Variants in RFTN1 observed in about 807,000 individuals in gnomAD.
RFTN1 encodes raftlin, lipid raft linker 1, also known as raftlin.
A neutral mutation model predicts 46.5 loss-of-function variants in RFTN1; 26 were observed. That is an observed-to-expected ratio of 0.56 (90% CI 0.41 to 0.78). RFTN1 has a LOEUF of 0.78. Ranked by LOEUF, RFTN1 falls within the 30% of genes least tolerant of loss-of-function variation. RFTN1 has a pLI of 0.00. For missense variants in RFTN1, 693 were observed against 718.7 expected, an observed-to-expected ratio of 0.96 and a Z score of 0.41; for synonymous variants, 261 against 284.2, an observed-to-expected ratio of 0.92 and a Z score of 0.82.
At chr3:16,359,817 T>G (rs976324941) in intron 6 of RFTN1, among the ~76,000 whole-genome samples, 1 of 149,192 alleles carries the variant, frequency 6.7e-6, no homozygotes, top group Non-Finnish European at 1.5e-5. Context: ...TAATGTGACC[T>G]TTTTTTTTTC....
At chr3:16,444,757 C>T (rs563779123) in intron 2 of RFTN1, among the ~76,000 whole-genome samples, 2 of 152,228 alleles carry the variant, frequency 1.3e-5, no homozygotes, top group Admixed American at 6.5e-5. Context: ...TTTTGAACTT[C>T]GTGGTGGGAG....
chr3:16,368,463 G>A (rs1330450560), intron 6 of RFTN1, among the ~76,000 whole-genome samples: 1 of 152,140 alleles, frequency 6.6e-6, no homozygotes, highest in Admixed American at 6.5e-5. Flanking sequence ...CGAGGTCAGG[G>A]AACTGAGACC....
intron 8 of RFTN1, among the ~76,000 whole-genome samples, chr3:16,326,173 TG>T (rs1385887158): frequency 6.6e-6 from 1 of 152,252 alleles, no homozygotes; most frequent in Non-Finnish European, 1.5e-5. Flanking sequence ...TTGGTGTGAC[TG>T]GGCTCAAGGG....
rs529321876 is a variant in RFTN1, at chr3:16,480,148, C to G, written c.145+13577G>C. 7.0e-6 allele frequency among the ~76,000 whole-genome samples: 1 copy of G among 142,566 alleles called. No individual in the cohort carries two copies. The highest frequency in any genetic ancestry group is 2.1e-4 in the South Asian group (1 of 4,662). The allele number at this position is 142,566 out of a possible 152,430, so 93.5% of individuals were successfully genotyped here. ...AATTTTGTTAAGTAACTTTGCCAGA[C>G]AAGACTGCTTTCTCCAAAAAGAAAA... On this transcript the variant is annotated intron_variant, in intron 2 of 9. Coordinates refer to ENST00000334133, the MANE Select transcript of RFTN1 (RefSeq NM_015150.2). This position sits in a 1 kb window ranked among gnomAD's most constrained non-coding sequence, Gnocchi z 4.3.
At position 16,484,007 on chromosome 3, in the gene RFTN1, G is replaced by A. The variant is rs1575356122; in HGVS notation, c.145+9718C>T. On this transcript the variant is annotated intron_variant, in intron 2 of 9. Coordinates refer to ENST00000334133, the MANE Select transcript of RFTN1 (RefSeq NM_015150.2). The surrounding 1 kb of genome is among the most constrained non-coding windows in gnomAD (Gnocchi z 4.6). The stretch of plus-strand genomic sequence containing the variant: ...TTTAAGCTAATGATTAGTTTTAAAG[G>A]CTTTTCTGGAGATTGACATTATTTT... Among the ~76,000 whole-genome samples, 1 of 152,112 alleles carries A rather than the reference G, an allele frequency of 6.6e-6. No homozygotes were observed. Among genetic ancestry groups the A allele is most frequent in the Admixed American group, 6.5e-5 (1 of 15,274 alleles).
rs114694882 is a variant in RFTN1, at chr3:16,364,745, A to G, written c.1030+5331T>C. On this transcript the variant is annotated intron_variant, in intron 6 of 9. Coordinates refer to ENST00000334133, the MANE Select transcript of RFTN1 (RefSeq NM_015150.2). ...TGACACAATGGAATAGCACACAGCA[A>G]TGAGAGAAAATGGTCTTCAATTACA... Among the ~76,000 whole-genome samples the G allele has an allele frequency of 5.5e-3, 843 of 152,378 alleles. 9 individuals carry two copies. The highest frequency in any genetic ancestry group is 0.02 in the African/African-American group (823 of 41,590).
At chr3:16,404,656 C>G (rs2074808399) in intron 4 of RFTN1, among the ~76,000 whole-genome samples, 5 of 151,898 alleles carry the variant, frequency 3.3e-5, no homozygotes, top group Admixed American at 3.3e-4. Context: ...AACCCATGCT[C>G]CTGTGCATGC....
At position 16,327,919 on chromosome 3, in the gene RFTN1, G is replaced by GC. The variant is rs200966609; in HGVS notation, c.1147-1044dup. On this transcript the variant is annotated intron_variant, in intron 7 of 9. Transcript: ENST00000334133. The surrounding 1 kb of genome is among the most constrained non-coding windows in gnomAD (Gnocchi z 4.2). ...GTTCCTCACTAACACTCAAAGTGTA[G>GC]CCCCCACCCCTGCTCTGTGTGTAAC... 1.9e-4 allele frequency among the ~76,000 whole-genome samples: 29 copies of GC among 152,156 alleles called. No homozygotes were observed. Among genetic ancestry groups the GC allele is most frequent in the African/African-American group, 6.5e-4 (27 of 41,440 alleles).
intron 7 of RFTN1, among the ~76,000 whole-genome samples, chr3:16,354,360 A>T (rs1311040378): frequency 1.3e-5 from 2 of 152,222 alleles, no homozygotes; most frequent in Non-Finnish European, 2.9e-5. Flanking sequence ...CAGTCTTCCC[A>T]CAAGATCTCT....
Position 16,384,766 on chromosome 3 carries a change from A to G in RFTN1, c.442-6664T>C, listed in dbSNP as rs189160637. On this transcript the variant is annotated intron_variant, in intron 4 of 9. Transcript: ENST00000334133. The surrounding 1 kb of genome is among the most constrained non-coding windows in gnomAD (Gnocchi z 4.7). ...TATTTAAATTTAAATTAATTCAAAT[A>G]AAATAAAATTTAAATATTCCTCTCC... 3.5e-3 allele frequency among the ~76,000 whole-genome samples: 526 copies of G among 152,018 alleles called. No individual in the cohort carries two copies. The highest frequency in any genetic ancestry group is 0.012 in the African/African-American group (510 of 41,284).
rs9854036 is a variant in RFTN1 at position 16,506,087 on chromosome 3, C to A, written c.-9+7355G>T. Reference sequence around the variant, plus strand: ...TTTTTAAAGTATGCCAACTAGAAAACAACAATGCAGGGGGGAGGGATAGCA... The same window carrying A: ...TTTTTAAAGTATGCCAACTAGAAAAAAACAATGCAGGGGGGAGGGATAGCA... On this transcript the variant is annotated intron_variant, in intron 1 of 9. Transcript: ENST00000334133. The surrounding 1 kb of genome is among the most constrained non-coding windows in gnomAD (Gnocchi z 4.8). Among the ~76,000 whole-genome samples, 84,247 of 151,976 alleles carry A rather than the reference C, an allele frequency of 0.55. 24,768 individuals are homozygous for A. The highest frequency in any genetic ancestry group is 0.76 in the African/African-American group (31,302 of 41,444).
chr3:16,502,209 A>G (rs1161694375), intron 1 of RFTN1, among the ~76,000 whole-genome samples: 6 of 152,240 alleles, frequency 3.9e-5, no homozygotes, highest in Non-Finnish European at 7.4e-5. Flanking sequence ...TCTACAAAAA[A>G]ATTTAAAAAA....
Position 16,377,992 on chromosome 3 carries a change from G to A in RFTN1, c.552C>T (p.Thr184=), listed in dbSNP as rs371329309. 2.8e-5 allele frequency: 46 copies of A among 1,614,086 alleles called. No homozygotes were observed. Among genetic ancestry groups the A allele is most frequent in the South Asian group, 2.1e-4 (19 of 91,084 alleles). Residue 184 remains threonine (T), a synonymous_variant, in exon 5 of 10, where the codon ACC becomes ACT. Coordinates refer to ENST00000334133, the MANE Select transcript of RFTN1 (RefSeq NM_015150.2). ...CGTTTTTTGCATCTCTGGCATCCTC[G>A]GTGCTGTTGGCAGTAGACACCGGAG... is the stretch of plus-strand genomic sequence containing the variant. ...SSAPVSTANS[T]EDARDAKNAR... is the part of the protein sequence containing the mutation.
At chr3:16,330,570 T>A (rs1371719772) in intron 7 of RFTN1, among the ~76,000 whole-genome samples, 2 of 152,220 alleles carry the variant, frequency 1.3e-5, no homozygotes, top group African/African-American at 4.8e-5. Context: ...TTTCTCTGAG[T>A]AGGAGCAAAA....
rs1305366800 is a variant in RFTN1, at chr3:16,370,135, T to C, written c.971A>G (p.Asp324Gly). Residue 324 changes from aspartate (D) to glycine (G), a missense_variant, in exon 6 of 10, where the codon GAC becomes GGC. Physicochemically the swap from Asp to Gly is moderately conservative, Grantham distance 94. Coordinates refer to ENST00000334133, the MANE Select transcript of RFTN1 (RefSeq NM_015150.2). This position sits in a 1 kb window ranked among gnomAD's most constrained non-coding sequence, Gnocchi z 5.5. Reference protein sequence around the residue: ...LDANWLEHMSDHFRKGGMLVN... With the variant: ...LDANWLEHMSGHFRKGGMLVN... Reference sequence around the variant, plus strand: ...CAGCATGCCTCCTTTCCGGAAGTGGTCGCTCATGTGCTCTAACCAGTTGGC... The same window carrying C: ...CAGCATGCCTCCTTTCCGGAAGTGGCCGCTCATGTGCTCTAACCAGTTGGC... 7 of 1,614,086 alleles carry C rather than the reference T, an allele frequency of 4.3e-6. No homozygotes were observed. Among genetic ancestry groups the C allele is most frequent in the Admixed American group, 1.7e-5 (1 of 60,002 alleles).
In RFTN1 at chr3:16,407,200, A is replaced by G. The variant is rs1435755129; in HGVS notation, c.441+2175T>C. Among the ~76,000 whole-genome samples, 1 of 152,202 alleles carries G rather than the reference A, an allele frequency of 6.6e-6. No individual in the cohort carries two copies. Reference sequence around the variant, plus strand: ...CAACTCATATGTTTTCTTTCTTTTAAGAGACTGGGTCTCACTCTGTCAGCC... The same window carrying G: ...CAACTCATATGTTTTCTTTCTTTTAGGAGACTGGGTCTCACTCTGTCAGCC... On this transcript the variant is annotated intron_variant, in intron 4 of 9. Coordinates refer to ENST00000334133, the MANE Select transcript of RFTN1 (RefSeq NM_015150.2). This position sits in a 1 kb window ranked among gnomAD's most constrained non-coding sequence, Gnocchi z 4.0.
In RFTN1 at chr3:16,337,759, A is replaced by C. The variant is rs1381747598; in HGVS notation, c.1147-10883T>G. On this transcript the variant is annotated intron_variant, in intron 7 of 9. Transcript: ENST00000334133. The surrounding 1 kb of genome is among the most constrained non-coding windows in gnomAD (Gnocchi z 5.0). ...CCATCTCAAAAAAAAAAAAAAAAAG[A>C]AAAGAAAGTCACCTCATTTGATTTG... Among the ~76,000 whole-genome samples, 3 of 150,400 alleles carry C rather than the reference A, an allele frequency of 2.0e-5. No homozygotes were observed. The highest frequency in any genetic ancestry group is 2.0e-4 in the Admixed American group (3 of 15,158).
At chr3:16,406,381 C>G (rs1258232107) in intron 4 of RFTN1, among the ~76,000 whole-genome samples, 1 of 152,202 alleles carries the variant, frequency 6.6e-6, no homozygotes, top group Admixed American at 6.5e-5. Flanking sequence ...TGTCCACTAA[C>G]AGACAATGCG....
chr3:16,436,445 CTCCTGGGTTCAAG>C (rs2075518243), intron 2 of RFTN1, among the ~76,000 whole-genome samples: 1 of 152,030 alleles, frequency 6.6e-6, no homozygotes, highest in East Asian at 1.9e-4. Flanking sequence ...CAAACTCTAC[CTCCTGGGTTCAAG>C]TGATTCCATG....
Sources: gnomAD v4.1 joint callset for allele counts (sites outside exome capture counted in the v4.1 genomes callset) on GRCh38, gnomAD v4.1.1 for gene constraint, Gnocchi (gnomAD v3.1) non-coding constraint, MANE v1.5 for transcripts, NCBI Gene and HGNC (gene_info 2026-07-23, HGNC 2026-07-21) for gene names.